Variants in ABHD12 observed in about 807,000 individuals in gnomAD.
ABHD12 encodes abhydrolase domain containing 12, lysophospholipase.
ABHD12 carries 43 observed loss-of-function variants against 58.3 expected under a neutral mutation model. The ratio of observed to expected loss-of-function variants is 0.74; its 90% CI spans 0.58 to 0.95. The LOEUF (loss-of-function observed/expected upper bound fraction) is 0.95. ABHD12 is among the 40% of genes least tolerant of loss of function. The pLI, the probability that ABHD12 is intolerant of heterozygous loss-of-function variation, is 0.00. For missense variants in ABHD12, 539 were observed against 537.2 expected (o/e 1.00, Z -0.03); for synonymous variants, 219 against 211.2 (o/e 1.04, Z -0.32).
downstream of ABHD12, among the ~76,000 whole-genome samples, chr20:25,299,765 C>T (rs546191432): frequency 2.0e-5 from 3 of 152,182 alleles, no homozygotes; most frequent in Non-Finnish European, 4.4e-5. Context: ...TCTCTGGGGC[C>T]GTGGGTGGGT....
chr20:25,335,800 A>T (rs2089355506), intron 2 of ABHD12, among the ~76,000 whole-genome samples: 2 of 126,178 alleles, frequency 1.6e-5, no homozygotes. Flanking sequence ...CACTCTGGGA[A>T]CTGTTGTGGG....
In ABHD12 at chr20:25,309,562, T is replaced by C. The variant is rs745418160; in HGVS notation, c.633A>G (p.Ser211=). ...TGCCCCGCTCAGATGGCGTTCCCAC[T>C]GAGTCACCCCAACCTGGGAGGGAGA... is the stretch of plus-strand genomic sequence containing the variant. The part of the protein sequence containing the change: ...VTFDYRGWGD[S]VGTPSERGMT... The change falls in exon 7 of 13, where the codon TCA becomes TCG. Residue 211 remains serine (S), a synonymous_variant. Transcript: ENST00000339157. 3.1e-6 allele frequency: 5 copies of C among 1,614,000 alleles called. No individual in the cohort carries two copies. Among genetic ancestry groups the C allele is most frequent in the South Asian group, 2.2e-5 (2 of 91,092 alleles).
At chr20:25,364,073 C>T (rs775162165) in intron 1 of ABHD12, among the ~76,000 whole-genome samples, 2 of 152,168 alleles carry the variant, frequency 1.3e-5, no homozygotes, top group Non-Finnish European at 2.9e-5. Context: ...CTGTATCCCA[C>T]AGGCCTGATC....
intron 1 of ABHD12, among the ~76,000 whole-genome samples, chr20:25,381,041 G>C (rs2090015998): frequency 1.3e-5 from 2 of 152,140 alleles, no homozygotes; most frequent in Non-Finnish European, 2.9e-5. Flanking sequence ...GTCCCGGCCT[G>C]AGCCCCTGTC....
chr20:25,390,477 G>GGGGCCCCCC lies in ABHD12; in HGVS notation c.191+35_191+36insGGGGGGCCC, dbSNP rs2146160499. On this transcript the variant is annotated intron_variant, in intron 1 of 12. Coordinates refer to ENST00000339157, the MANE Select transcript of ABHD12 (RefSeq NM_001042472.3). ...CGCACCTGCGCAAAGTGAGGGACCG[G>GGGGCCCCCC]CCCCCCCCCCCCCCCCGCTCCGCGC... The GGGGCCCCCC allele has an allele frequency of 2.8e-4, 29 of 102,750 alleles. No homozygotes were observed. The East Asian group carries it at 7.0e-3, about 25-fold the overall frequency. The allele number at this position is 102,750 out of a possible 1,614,324, so 6.4% of individuals were successfully genotyped here. A position where few individuals can be genotyped will look rare whatever the true frequency, so the allele number is the denominator to read the frequency against.
chr20:25,359,249 G>A lies in ABHD12; in HGVS notation c.192-19898C>T, dbSNP rs934461354. ...ATCCTGGCTAACACGGTGAAACCCC[G>A]TCTCTACTAAAAATACAAAAAAAAA... On this transcript the variant is annotated intron_variant, in intron 1 of 12. Transcript: ENST00000339157. 5.3e-5 allele frequency among the ~76,000 whole-genome samples: 8 copies of A among 150,750 alleles called. No individual in the cohort carries two copies. The East Asian group carries it at 6.0e-4, about 11-fold the overall frequency.
intron 1 of ABHD12, among the ~76,000 whole-genome samples, chr20:25,387,909 C>T (rs1201323518): frequency 1.3e-5 from 2 of 151,784 alleles, no homozygotes; most frequent in African/African-American, 2.4e-5. Context: ...GGCACGGTGA[C>T]GGGCGCCTGT....
At position 25,300,446 on chromosome 20, in the gene ABHD12, G is replaced by A. The variant is rs2088614393; in HGVS notation, c.*399C>T. The A allele has an allele frequency of 8.4e-7, 1 of 1,190,254 alleles. No individual in the cohort carries two copies. The highest frequency in any genetic ancestry group is 1.1e-6 in the Non-Finnish European group (1 of 946,884). The allele number at this position is 1,190,254 out of a possible 1,614,324, so 73.7% of individuals were successfully genotyped here. A position where few individuals can be genotyped will look rare whatever the true frequency, so the allele number is the denominator to read the frequency against. ...GCTGGGAAGGTGCAGAAAGAACCTGGACCCCACGTTCTCTGTGGGTGGTGC... is the reference window on the plus strand; with the variant it reads ...GCTGGGAAGGTGCAGAAAGAACCTGAACCCCACGTTCTCTGTGGGTGGTGC... On this transcript the variant is annotated 3_prime_UTR_variant, in exon 13 of 13. Transcript: ENST00000339157.
chr20:25,360,915 T>C (rs1183403774), intron 1 of ABHD12, among the ~76,000 whole-genome samples: 1 of 152,248 alleles, frequency 6.6e-6, no homozygotes, highest in Admixed American at 6.5e-5. Context: ...ATTTATTCTC[T>C]GCAGAGGGTA....
intron 1 of ABHD12, among the ~76,000 whole-genome samples, chr20:25,350,994 C>T (rs2089592445): frequency 6.9e-6 from 1 of 145,688 alleles, no homozygotes; most frequent in African/African-American, 2.7e-5. Context: ...CACACACACA[C>T]ACACACACAC....
chr20:25,294,762 G>C (rs2088513628), exon 13 of ABHD12: 5 of 658,714 alleles, frequency 7.6e-6, no homozygotes, highest in Middle Eastern at 4.0e-4. Context: ...AATGTAGTTA[G>C]TGTTTTATTT....
chr20:25,299,022 A>C (rs368587304), downstream of ABHD12, among the ~76,000 whole-genome samples: 22 of 152,296 alleles, frequency 1.4e-4, 1 homozygote, highest in Middle Eastern at 6.8e-3. Flanking sequence ...ACTTGGATGT[A>C]ATGAGCTGAC....
chr20:25,302,421 A>G, intron 11 of ABHD12, 75 bp from the exon 12 acceptor site: 3 of 1,589,418 alleles, frequency 1.9e-6, no homozygotes, highest in Non-Finnish European at 2.6e-6. Flanking sequence ...CCAGCTTGGC[A>G]GCCTCCCCTT....
chr20:25,317,481 C>T (rs533964825), intron 4 of ABHD12, among the ~76,000 whole-genome samples: 14 of 152,332 alleles, frequency 9.2e-5, no homozygotes, highest in South Asian at 4.1e-4. Flanking sequence ...CTTCTTGCTC[C>T]GCACGTCTCA....
chr20:25,309,696 C>G, intron 6 of ABHD12, 121 bp from the exon 7 acceptor site: 1 of 1,457,192 alleles, frequency 6.9e-7, no homozygotes, highest in East Asian at 2.3e-5. Flanking sequence ...TTGGCCCACC[C>G]TTCCAGAGTC....
At position 25,389,036 on chromosome 20, in the gene ABHD12, C is replaced by T. The variant is rs73331833; in HGVS notation, c.191+1477G>A. Among the ~76,000 whole-genome samples, 999 of 152,164 alleles carry T rather than the reference C, an allele frequency of 6.6e-3. 16 individuals carry two copies. Among genetic ancestry groups the T allele is most frequent in the African/African-American group, 0.023 (956 of 41,504 alleles). On this transcript the variant is annotated intron_variant, in intron 1 of 12. Coordinates refer to ENST00000339157, the MANE Select transcript of ABHD12 (RefSeq NM_001042472.3). Reference sequence around the variant, plus strand: ...GGTCAAGCTGGTCTCGAACTCCTGACCTCTGATAATCTGCCCGCCTCGGTC... The same window carrying T: ...GGTCAAGCTGGTCTCGAACTCCTGATCTCTGATAATCTGCCCGCCTCGGTC...
At chr20:25,383,779 C>A (rs1405560982) in intron 1 of ABHD12, among the ~76,000 whole-genome samples, 3 of 151,976 alleles carry the variant, frequency 2.0e-5, no homozygotes, top group African/African-American at 7.2e-5. Flanking sequence ...CATGGTGAAA[C>A]CTCGTCCCTA....
downstream of ABHD12, among the ~76,000 whole-genome samples, chr20:25,299,159 T>G (rs1467989508): frequency 6.6e-6 from 1 of 152,178 alleles, no homozygotes; most frequent in African/African-American, 2.4e-5. Flanking sequence ...TCCCAGCACT[T>G]TGAGAGGCCA....
chr20:25,390,378 G>T, intron 1 of ABHD12, 135 bp downstream of exon 1: 1 of 905,358 alleles, frequency 1.1e-6, no homozygotes, highest in Admixed American at 4.4e-5. Context: ...ACACAGGCGC[G>T]GACGGGGGCG....
Sources: gnomAD v4.1 joint callset for allele counts (sites outside exome capture counted in the v4.1 genomes callset) on GRCh38, gnomAD v4.1.1 for gene constraint, MANE v1.5 for transcripts, NCBI Gene and HGNC (gene_info 2026-07-23, HGNC 2026-07-21) for gene names.